The following CDH12 variants were observed in gnomAD, a reference collection of about 807,000 sequenced individuals.
CDH12 encodes the protein cadherin-12.
A neutral mutation model predicts 74.1 loss-of-function variants in CDH12; 41 were observed. That is an observed-to-expected ratio of 0.55 (90% CI 0.43 to 0.72). The LOEUF is 0.72. CDH12 is among the 30% of genes least tolerant of loss of function. The pLI is 0.00. For missense variants in CDH12, 945 were observed against 977.2 expected (o/e 0.97, Z 0.44); for synonymous variants, 399 against 355.0 (o/e 1.12, Z -1.39).
At chr5:21,797,184 GTGATGA>G (rs60534561) in intron 10 of CDH12, among the ~76,000 whole-genome samples, 25 of 151,322 alleles carry the variant, frequency 1.7e-4, no homozygotes, top group African/African-American at 4.1e-4. Flanking sequence ...GCTGTGCTTA[GTGATGA>G]TGATGATGAT....
chr5:22,030,984 A>C (rs780952944), intron 5 of CDH12, among the ~76,000 whole-genome samples: 6 of 152,098 alleles, frequency 3.9e-5, no homozygotes, highest in Non-Finnish European at 5.9e-5. Context: ...CATCTCTCTC[A>C]GCCTTCACAG....
intron 2 of CDH12, among the ~76,000 whole-genome samples, chr5:22,463,231 G>T (rs928752455): frequency 2.0e-5 from 3 of 151,358 alleles, no homozygotes; most frequent in African/African-American, 7.3e-5. Flanking sequence ...TTACATTTGT[G>T]TGTGTGTAAA....
At chr5:22,049,933 C>T (rs549789708) in intron 5 of CDH12, among the ~76,000 whole-genome samples, 2 of 152,134 alleles carry the variant, frequency 1.3e-5, no homozygotes, top group Admixed American at 1.3e-4. Context: ...AATTTCCATC[C>T]TTTTATTTAA....
At chr5:22,308,911 AGAGAGAGAG>A (rs1561301194) in intron 3 of CDH12, among the ~76,000 whole-genome samples, 1 of 27,446 alleles carries the variant, frequency 3.6e-5, no homozygotes, top group Non-Finnish European at 1.0e-4. Flanking sequence ...GAGAGAGGAG[AGAGAGAGAG>A]GAGAGAGAGA....
intron 3 of CDH12, among the ~76,000 whole-genome samples, chr5:22,341,548 G>C (rs1739850881): frequency 6.6e-6 from 1 of 152,070 alleles, no homozygotes; most frequent in Non-Finnish European, 1.5e-5. Context: ...CCTTTCTAAG[G>C]GTAGATGTCA....
At chr5:22,184,645 T>A (rs1749829609) in intron 4 of CDH12, among the ~76,000 whole-genome samples, 1 of 152,068 alleles carries the variant, frequency 6.6e-6, no homozygotes. Flanking sequence ...GAAAAATAAA[T>A]CCTCCTGAGA....
At chr5:22,662,774 T>C (rs1740416963) in intron 1 of CDH12, among the ~76,000 whole-genome samples, 1 of 152,184 alleles carries the variant, frequency 6.6e-6, no homozygotes, top group Non-Finnish European at 1.5e-5. Context: ...TGGGAAGTAT[T>C]TGCTAATATA....
intron 1 of CDH12, among the ~76,000 whole-genome samples, chr5:22,734,925 T>C (rs954274087): frequency 1.3e-5 from 2 of 151,958 alleles, no homozygotes; most frequent in African/African-American, 4.8e-5. Flanking sequence ...TCTGTAAAGA[T>C]TAGACATTGT....
chr5:22,091,479 A>G (rs1029623875), intron 4 of CDH12, among the ~76,000 whole-genome samples: 1 of 151,904 alleles, frequency 6.6e-6, no homozygotes, highest in Non-Finnish European at 1.5e-5. Context: ...TGAAAGATAA[A>G]ATATTTAGAT....
intron 4 of CDH12, among the ~76,000 whole-genome samples, chr5:22,083,227 A>T (rs1354267280): frequency 1.3e-5 from 2 of 152,210 alleles, no homozygotes; most frequent in East Asian, 1.9e-4. Flanking sequence ...CTTTAATATG[A>T]CATTTACGAA....
intron 4 of CDH12, among the ~76,000 whole-genome samples, chr5:22,203,417 A>G (rs1751030660): frequency 1.3e-5 from 2 of 152,204 alleles, no homozygotes; most frequent in Admixed American, 1.3e-4. Flanking sequence ...GCTACAAATT[A>G]CAGAATCTCA....
chr5:22,562,504 T>C (rs1201987139), intron 1 of CDH12, among the ~76,000 whole-genome samples: 1 of 152,060 alleles, frequency 6.6e-6, no homozygotes, highest in Non-Finnish European at 1.5e-5. Flanking sequence ...AATAAATATA[T>C]GGATTTTCTA....
At chr5:22,028,145 T>C (rs1738517013) in intron 5 of CDH12, among the ~76,000 whole-genome samples, 1 of 152,130 alleles carries the variant, frequency 6.6e-6, no homozygotes, top group Admixed American at 6.6e-5. Context: ...TTCTTAATCC[T>C]GAGCTCTAGT....
chr5:22,382,544 A>G (rs1741814665), intron 3 of CDH12, among the ~76,000 whole-genome samples: 1 of 151,654 alleles, frequency 6.6e-6, no homozygotes, highest in Non-Finnish European at 1.5e-5. Flanking sequence ...TACTTGGCGT[A>G]TTCGCTTTTC....
At chr5:22,577,237 A>G (rs1739841361) in intron 1 of CDH12, among the ~76,000 whole-genome samples, 1 of 152,220 alleles carries the variant, frequency 6.6e-6, no homozygotes, top group Admixed American at 6.5e-5. Context: ...AGCATAGAGC[A>G]TGCAAAGTGT....
chr5:21,815,924 C>T (rs1025470074), intron 9 of CDH12, among the ~76,000 whole-genome samples: 4 of 152,242 alleles, frequency 2.6e-5, no homozygotes, highest in Middle Eastern at 3.4e-3. Flanking sequence ...TACAATTAAA[C>T]TCTGTAAGAA....
chr5:21,860,605 T>G (rs184766699), intron 6 of CDH12, among the ~76,000 whole-genome samples: 1 of 152,228 alleles, frequency 6.6e-6, no homozygotes, highest in East Asian at 1.9e-4. Flanking sequence ...TCTAATCAGC[T>G]GCCAGTGCAG....
intron 3 of CDH12, among the ~76,000 whole-genome samples, chr5:22,361,151 C>T (rs1740785188): frequency 6.6e-6 from 1 of 152,176 alleles, no homozygotes; most frequent in Admixed American, 6.5e-5. Context: ...TCCCTATTTG[C>T]AGATGACATG....
At chr5:22,654,646 TG>T (rs1420095213) in intron 1 of CDH12, among the ~76,000 whole-genome samples, 38 of 151,446 alleles carry the variant, frequency 2.5e-4, no homozygotes, top group Non-Finnish European at 1.6e-4. Context: ...TTGTTGTTGT[TG>T]TTGTTTTGAG....
Sources: gnomAD v4.1 joint callset for allele counts (sites outside exome capture counted in the v4.1 genomes callset) on GRCh38, gnomAD v4.1.1 for gene constraint, MANE v1.5 for transcripts, NCBI Gene and HGNC (gene_info 2026-07-23, HGNC 2026-07-21) for gene names.